The following GREB1L variants were observed in gnomAD, a reference collection of about 807,000 sequenced individuals.
GREB1L encodes the protein GREB1 like retinoic acid receptor coactivator, also known as GREB1-like protein.
GREB1L carries 17 observed loss-of-function variants against 200.8 expected under a neutral mutation model. The observed-to-expected ratio is 0.08, with a 90% CI of 0.06 to 0.13. GREB1L has a LOEUF of 0.13. Ranked by LOEUF, GREB1L falls within the 10% of genes least tolerant of loss-of-function variation. The pLI is 1.00. For synonymous variants in GREB1L, 789 were observed against 893.0 expected (o/e 0.88, Z 2.08); for missense variants, 1,657 against 2,367.7 (o/e 0.70, Z 6.23).
At chr18:21,520,935 G>A (rs1158626794) in intron 32 of GREB1L, 112 bp downstream of exon 32, 23 of 847,244 alleles carry the variant, frequency 2.7e-5, no homozygotes, top group African/African-American at 1.2e-4. Context: ...GTGGCTCAAC[G>A]CCTGTAATCT....
chr18:21,362,120 A>AC (rs2039588907), intron 1 of GREB1L, among the ~76,000 whole-genome samples: 1 of 152,016 alleles, frequency 6.6e-6, no homozygotes, highest in Admixed American at 6.6e-5. Flanking sequence ...TTTTGTATGT[A>AC]TTCTACTTTG....
At position 21,524,994 on chromosome 18, in the gene GREB1L, G is replaced by A. The variant is rs2037660596; in HGVS notation, c.*2173G>A. The A allele has an allele frequency of 7.0e-6, 1 of 143,426 alleles. No homozygotes were observed. The highest frequency in any genetic ancestry group is 2.3e-4 in the South Asian group (1 of 4,442). The allele number at this position is 143,426 out of a possible 1,614,324, so 8.9% of individuals were successfully genotyped here. A position where few individuals can be genotyped will look rare whatever the true frequency, so the allele number is the denominator to read the frequency against. ...TTAAGGATAAAATTGCACAAGCACA[G>A]GACACCATGATTTGTGTGTATATAT... On this transcript the variant is annotated 3_prime_UTR_variant, in exon 33 of 33. Transcript: ENST00000424526.
chr18:21,331,216 C>T (rs980730816), intron 1 of GREB1L, among the ~76,000 whole-genome samples: 1 of 152,114 alleles, frequency 6.6e-6, no homozygotes, highest in Non-Finnish European at 1.5e-5. Context: ...CTTAAATAGG[C>T]ATGCAGAGCA....
In GREB1L at chr18:21,444,429, C is replaced by A; in HGVS notation, c.1393+20C>A. 1 of 1,536,390 alleles carries A rather than the reference C, an allele frequency of 6.5e-7. No individual in the cohort carries two copies. The highest frequency in any genetic ancestry group is 1.2e-5 in the South Asian group (1 of 82,474). On this transcript the variant is annotated intron_variant, in intron 11 of 32. Coordinates refer to ENST00000424526, the MANE Select transcript of GREB1L (RefSeq NM_001142966.3). Reference sequence around the variant, plus strand: ...GGCTGGGTAAGTCATTTTCCATAATCATTTGCTGGTGACTACTTTTGAGGA... The same window carrying A: ...GGCTGGGTAAGTCATTTTCCATAATAATTTGCTGGTGACTACTTTTGAGGA...
chr18:21,356,399 C>T (rs1359278672), intron 1 of GREB1L, among the ~76,000 whole-genome samples: 1 of 152,138 alleles, frequency 6.6e-6, no homozygotes, highest in Non-Finnish European at 1.5e-5. Context: ...TTTTAAGATT[C>T]CATATATAAT....
rs903792316 is a variant in GREB1L, at chr18:21,346,770, C to T, written c.-119-19257C>T. On this transcript the variant is annotated intron_variant, in intron 1 of 32. Transcript: ENST00000424526. ...CATCTCTGCTATCATCAGGGAGCCT[C>T]GGTCCTGTCTCGTGCTTCTGCCATC... Among the ~76,000 whole-genome samples the T allele has an allele frequency of 5.3e-5, 8 of 152,166 alleles. 1 individual carries two copies. In the South Asian group the frequency reaches 8.3e-4, roughly 16 times the overall value.
At chr18:21,332,254 C>T (rs964505370) in intron 1 of GREB1L, among the ~76,000 whole-genome samples, 1 of 152,130 alleles carries the variant, frequency 6.6e-6, no homozygotes, top group African/African-American at 2.4e-5. Context: ...GGGTTATTTG[C>T]CTCTATGCTA....
intron 7 of GREB1L, among the ~76,000 whole-genome samples, chr18:21,424,493 C>T (rs1157888635): frequency 1.3e-5 from 2 of 152,092 alleles, no homozygotes; most frequent in Admixed American, 1.3e-4. Context: ...CACTTGAACC[C>T]AGGAGGCAGA....
intron 11 of GREB1L, among the ~76,000 whole-genome samples, chr18:21,448,716 A>G (rs919277557): frequency 1.3e-5 from 2 of 152,232 alleles, no homozygotes; most frequent in Non-Finnish European, 1.5e-5. Flanking sequence ...AATTTAAACT[A>G]AATGTTGAAA....
intron 1 of GREB1L, among the ~76,000 whole-genome samples, chr18:21,322,137 G>A (rs1306849661): frequency 6.6e-6 from 1 of 152,162 alleles, no homozygotes; most frequent in Non-Finnish European, 1.5e-5. Flanking sequence ...TCAGAAGGTG[G>A]CTGGATGTAT....
At chr18:21,328,816 T>C (rs1411341976) in intron 1 of GREB1L, among the ~76,000 whole-genome samples, 1 of 152,170 alleles carries the variant, frequency 6.6e-6, no homozygotes. Flanking sequence ...TCAGTTATTA[T>C]GTACTGTTTG....
At chr18:21,468,452 TGTG>T (rs935016994) in intron 15 of GREB1L, among the ~76,000 whole-genome samples, 15 of 152,198 alleles carry the variant, frequency 9.9e-5, no homozygotes, top group African/African-American at 2.4e-4. Context: ...GTTTTAAAAT[TGTG>T]GTGACTGTTG....
intron 1 of GREB1L, among the ~76,000 whole-genome samples, chr18:21,307,001 T>A (rs978381656): frequency 1.3e-5 from 2 of 152,234 alleles, no homozygotes; most frequent in African/African-American, 4.8e-5. Context: ...CATTATTCCA[T>A]TGTGTTATTT....
chr18:21,371,886 CAT>C (rs1486081635), intron 2 of GREB1L, among the ~76,000 whole-genome samples: 1 of 151,714 alleles, frequency 6.6e-6, no homozygotes, highest in African/African-American at 2.4e-5. Flanking sequence ...TGTAAAATCT[CAT>C]GTGTTTTCAC....
intron 7 of GREB1L, among the ~76,000 whole-genome samples, chr18:21,420,374 GA>G (rs1243937747): frequency 8.2e-4 from 90 of 109,584 alleles, no homozygotes; most frequent in African/African-American, 9.6e-4. Flanking sequence ...ACTCCATCTC[GA>G]AAAAAAAAAA....
intron 7 of GREB1L, among the ~76,000 whole-genome samples, chr18:21,426,973 CAAAAAAAAAAAAAA>C (rs2032649969): frequency 1.2e-5 from 1 of 83,788 alleles, no homozygotes; most frequent in Non-Finnish European, 3.4e-5. Flanking sequence ...AAAAAAAAAA[CAAAAAAAAAAAAAA>C]CAAAAAAAAA....
intron 5 of GREB1L, among the ~76,000 whole-genome samples, chr18:21,398,306 A>G (rs569716460): frequency 6.6e-6 from 1 of 152,312 alleles, no homozygotes; most frequent in Admixed American, 6.5e-5. Context: ...TAATGGGGCC[A>G]TTAACGCCTA....
In GREB1L at chr18:21,354,980, G is replaced by T. The variant is rs185746085; in HGVS notation, c.-119-11047G>T. On this transcript the variant is annotated intron_variant, in intron 1 of 32. Transcript: ENST00000424526. Reference sequence around the variant, plus strand: ...TAATGCAGAGAAGTGATTGGAAGGTGCTAGAGAGGAGGCAAGGAGGACAAT... The same window carrying T: ...TAATGCAGAGAAGTGATTGGAAGGTTCTAGAGAGGAGGCAAGGAGGACAAT... Among the ~76,000 whole-genome samples, 11 of 152,274 alleles carry T rather than the reference G, an allele frequency of 7.2e-5. No individual in the cohort carries two copies. In the East Asian group the frequency reaches 2.1e-3, roughly 29 times the overall value.
intron 1 of GREB1L, among the ~76,000 whole-genome samples, chr18:21,356,911 T>G (rs956963796): frequency 6.6e-6 from 1 of 152,246 alleles, no homozygotes; most frequent in African/African-American, 2.4e-5. Flanking sequence ...AATTTATGTT[T>G]CCCTGATGAT....
Sources: gnomAD v4.1 joint callset for allele counts (sites outside exome capture counted in the v4.1 genomes callset) on GRCh38, gnomAD v4.1.1 for gene constraint, MANE v1.5 for transcripts, NCBI Gene and HGNC (gene_info 2026-07-23, HGNC 2026-07-21) for gene names.